The following SYN3 variants were observed in gnomAD, a reference collection of about 807,000 sequenced individuals.
SYN3 encodes the protein synapsin-3.
Under a neutral mutation model 65.8 loss-of-function variants are expected in SYN3, and 35 were observed. The ratio of observed to expected loss-of-function variants is 0.53; its 90% CI spans 0.41 to 0.70. The LOEUF (loss-of-function observed/expected upper bound fraction) is 0.70, where lower values mean the gene tolerates loss of function less well. SYN3 is among the 30% of genes least tolerant of loss of function. SYN3 has a pLI of 0.00. For missense variants in SYN3, 680 were observed against 749.0 expected, an observed-to-expected ratio of 0.91 and a Z score of 1.08; for synonymous variants, 270 against 292.9, an observed-to-expected ratio of 0.92 and a Z score of 0.80.
intron 3 of SYN3, among the ~76,000 whole-genome samples, chr22:32,937,834 T>C (rs1438565267): frequency 2.5e-5 from 2 of 78,590 alleles, no homozygotes; most frequent in African/African-American, 4.3e-5. Context: ...GAGACAAAAA[T>C]ACACACAAAA....
Position 32,511,370 on chromosome 22 carries a change from C to T in SYN3, c.*2322G>A, listed in dbSNP as rs376054252. 7.9e-5 allele frequency among the ~76,000 whole-genome samples: 12 copies of T among 152,198 alleles called. No individual in the cohort carries two copies. The highest frequency in any genetic ancestry group is 2.7e-4 in the African/African-American group (11 of 41,454). On this transcript the variant is annotated 3_prime_UTR_variant, in exon 14 of 14. Transcript: ENST00000358763. ...ACCTTGGGGGTCTAGAAGAATGTGTCGACAATGATGCCTGCAAAGCAGCAG... is the reference window on the plus strand; with the variant it reads ...ACCTTGGGGGTCTAGAAGAATGTGTTGACAATGATGCCTGCAAAGCAGCAG...
chr22:32,542,299 C>G (rs11704755), intron 7 of SYN3, among the ~76,000 whole-genome samples: 21,014 of 151,884 alleles, frequency 0.14, 1,751 homozygotes, highest in African/African-American at 0.24. Flanking sequence ...AAGAAGGGAG[C>G]GTGCATGTGT....
chr22:32,629,548 G>A (rs1055046521), intron 6 of SYN3: 3 of 152,284 alleles, frequency 2.0e-5, no homozygotes, highest in Admixed American at 6.5e-5. Context: ...CGGTGTGGAC[G>A]AGAGGTTGGT....
intron 2 of SYN3, among the ~76,000 whole-genome samples, chr22:32,992,545 G>T (rs536172392): frequency 1.3e-5 from 2 of 152,272 alleles, no homozygotes; most frequent in East Asian, 3.9e-4. Flanking sequence ...AGGCGTGGTG[G>T]CTCACGCCTG....
chr22:32,888,884 T>C, intron 4 of SYN3, among the ~76,000 whole-genome samples: 1 of 152,210 alleles, frequency 6.6e-6, no homozygotes. Flanking sequence ...TCTCAAGCAT[T>C]TCAGATGAGG....
intron 3 of SYN3, among the ~76,000 whole-genome samples, chr22:32,940,507 T>C (rs766811071): frequency 1.9e-4 from 29 of 152,198 alleles, no homozygotes; most frequent in Non-Finnish European, 3.5e-4. Context: ...ATTTCACATT[T>C]ACGTCTGTAA....
At chr22:33,045,980 A>C (rs1569421884) in intron 1 of SYN3, among the ~76,000 whole-genome samples, 1 of 152,130 alleles carries the variant, frequency 6.6e-6, no homozygotes, top group Non-Finnish European at 1.5e-5. Context: ...AGAATGCTAA[A>C]AGCTCAACAA....
intron 6 of SYN3, among the ~76,000 whole-genome samples, chr22:32,678,556 C>T (rs1250093704): frequency 6.6e-6 from 1 of 151,734 alleles, no homozygotes; most frequent in African/African-American, 2.4e-5. Context: ...CCTCCTTCAT[C>T]CTCCTCCTCC....
intron 1 of SYN3, among the ~76,000 whole-genome samples, chr22:33,027,231 C>T (rs61457671): frequency 0.044 from 6,654 of 151,914 alleles, 369 homozygotes; most frequent in African/African-American, 0.13. Flanking sequence ...ATATATATGA[C>T]GTATATATTC....
At chr22:32,591,086 G>A (rs1172594465) in intron 7 of SYN3, among the ~76,000 whole-genome samples, 2 of 152,060 alleles carry the variant, frequency 1.3e-5, no homozygotes, top group African/African-American at 4.8e-5. Flanking sequence ...TTATTACTAT[G>A]TTCATTTTAC....
chr22:32,624,633 C>T (rs5749473), intron 6 of SYN3, among the ~76,000 whole-genome samples: 13,030 of 152,178 alleles, frequency 0.086, 1,227 homozygotes, highest in East Asian at 0.52. Flanking sequence ...ACTCCAGGAT[C>T]GGAGTGGAGC....
At chr22:32,756,620 GT>G (rs2045299260) in intron 6 of SYN3, among the ~76,000 whole-genome samples, 1 of 152,146 alleles carries the variant, frequency 6.6e-6, no homozygotes, top group Non-Finnish European at 1.5e-5. Context: ...ATCCCTCATG[GT>G]TTGGTGCTGT....
intron 7 of SYN3, among the ~76,000 whole-genome samples, chr22:32,554,763 C>T (rs2058468043): frequency 1.3e-5 from 2 of 152,184 alleles, no homozygotes; most frequent in South Asian, 4.1e-4. Flanking sequence ...CTCGCCATTG[C>T]TCCATCTGCG....
At chr22:32,887,355 G>A (rs2049321304) in intron 4 of SYN3, among the ~76,000 whole-genome samples, 1 of 151,894 alleles carries the variant, frequency 6.6e-6, no homozygotes, top group Admixed American at 6.6e-5. Flanking sequence ...TTCAGCCTAG[G>A]CAACAGCGAG....
At chr22:32,524,156 G>A (rs944649598) in intron 12 of SYN3, among the ~76,000 whole-genome samples, 1 of 152,244 alleles carries the variant, frequency 6.6e-6, no homozygotes, top group East Asian at 1.9e-4. Context: ...AAGTGCTGAC[G>A]AAGAAGCTGC....
chr22:32,878,704 G>C (rs2049045242), intron 4 of SYN3, among the ~76,000 whole-genome samples: 1 of 152,146 alleles, frequency 6.6e-6, no homozygotes, highest in Admixed American at 6.5e-5. Context: ...TTTGGAAGCA[G>C]GCATGTCCTT....
At position 32,510,612 on chromosome 22, in the gene SYN3, G is replaced by T. The variant is rs2057680025; in HGVS notation, c.*3080C>A. 6.6e-6 allele frequency among the ~76,000 whole-genome samples: 1 copy of T among 152,120 alleles called. No individual in the cohort carries two copies. Among genetic ancestry groups the T allele is most frequent in the South Asian group, 2.1e-4 (1 of 4,826 alleles). ...AGCATTATTTATTAATATTTGAAAGGTCTACCCCTGAGTAAGGAGGGTGGA... is the reference window on the plus strand; with the variant it reads ...AGCATTATTTATTAATATTTGAAAGTTCTACCCCTGAGTAAGGAGGGTGGA... On this transcript the variant is annotated 3_prime_UTR_variant, in exon 14 of 14. Coordinates refer to ENST00000358763, the MANE Select transcript of SYN3 (RefSeq NM_003490.4).
intron 6 of SYN3, among the ~76,000 whole-genome samples, chr22:32,850,048 G>A (rs2048176140): frequency 6.6e-6 from 1 of 150,728 alleles, no homozygotes; most frequent in Non-Finnish European, 1.5e-5. Flanking sequence ...CTCATCCCAA[G>A]GCAGGAACTT....
intron 4 of SYN3, among the ~76,000 whole-genome samples, chr22:32,871,970 C>CA (rs1231411791): frequency 2.0e-5 from 3 of 152,034 alleles, no homozygotes; most frequent in South Asian, 4.2e-4. Flanking sequence ...CTCACTGCCA[C>CA]ACAAGCCACA....
Sources: gnomAD v4.1 joint callset for allele counts (sites outside exome capture counted in the v4.1 genomes callset) on GRCh38, gnomAD v4.1.1 for gene constraint, MANE v1.5 for transcripts, NCBI Gene and HGNC (gene_info 2026-07-23, HGNC 2026-07-21) for gene names.